PHLPP2: variants seen among roughly 807,000 people sequenced by gnomAD.
PHLPP2 encodes PH domain and leucine rich repeat protein phosphatase 2, also known as PH domain leucine-rich repeat-containing protein phosphatase 2.
Under a neutral mutation model 124.9 loss-of-function variants are expected in PHLPP2, and 66 were observed. The observed-to-expected ratio is 0.53, with a 90% CI of 0.43 to 0.65. PHLPP2 has a LOEUF of 0.65. Ranked by LOEUF, PHLPP2 falls within the 30% of genes least tolerant of loss-of-function variation. The pLI, the probability that PHLPP2 is intolerant of heterozygous loss-of-function variation, is 0.00. For missense variants in PHLPP2, 1,685 were observed against 1,600.4 expected (o/e 1.05, Z -0.90); for synonymous variants, 681 against 624.7 (o/e 1.09, Z -1.34).
chr16:71,714,812 T>A lies in PHLPP2; in HGVS notation c.-6-11A>T. 1 of 1,604,500 alleles carries A rather than the reference T, an allele frequency of 6.2e-7. No homozygotes were observed. Among genetic ancestry groups the A allele is most frequent in the Non-Finnish European group, 8.5e-7 (1 of 1,175,022 alleles). ...GCGTTTCATATTTCTCTAAAAAATATCAAGAGAAAGAAATCGTTAGCTAGA... is the reference window on the plus strand; with the variant it reads ...GCGTTTCATATTTCTCTAAAAAATAACAAGAGAAAGAAATCGTTAGCTAGA... On this transcript the variant is annotated splice_polypyrimidine_tract_variant and intron_variant, in intron 1 of 18. Transcript: ENST00000568954.
intron 1 of PHLPP2, among the ~76,000 whole-genome samples, chr16:71,722,723 T>C (rs551591608): frequency 4.8e-4 from 73 of 152,342 alleles, no homozygotes; most frequent in South Asian, 4.8e-3. Flanking sequence ...GCAAGTTTCA[T>C]ATCCTGAATT....
chr16:71,717,639 G>C (rs73580232), intron 1 of PHLPP2, among the ~76,000 whole-genome samples: 5,514 of 152,116 alleles, frequency 0.036, 331 homozygotes, highest in African/African-American at 0.13. Flanking sequence ...ATATTTAGTA[G>C]GTAAATACTG....
At chr16:71,671,925 C>T (rs1751274027) in intron 10 of PHLPP2, among the ~76,000 whole-genome samples, 1 of 152,012 alleles carries the variant, frequency 6.6e-6, no homozygotes, top group South Asian at 2.1e-4. Flanking sequence ...AACAAACAAA[C>T]AAACACCCAC....
At chr16:71,652,144 T>A (rs192725811) in intron 18 of PHLPP2, among the ~76,000 whole-genome samples, 2 of 152,322 alleles carry the variant, frequency 1.3e-5, no homozygotes, top group East Asian at 3.9e-4. Flanking sequence ...ATAAAGAACT[T>A]GTTTCCAAAA....
chr16:71,720,990 G>A (rs1463587914), intron 1 of PHLPP2, among the ~76,000 whole-genome samples: 1 of 151,912 alleles, frequency 6.6e-6, no homozygotes, highest in Non-Finnish European at 1.5e-5. Flanking sequence ...TATTGTGAAA[G>A]CGGTGGGGAG....
intron 15 of PHLPP2, among the ~76,000 whole-genome samples, chr16:71,657,306 G>A (rs1047141566): frequency 5.3e-5 from 8 of 151,970 alleles, no homozygotes; most frequent in African/African-American, 1.9e-4. Flanking sequence ...TCAAACTCCT[G>A]ACCTCAGGTG....
At chr16:71,691,949 A>AAAC (rs1046623626) in intron 3 of PHLPP2, among the ~76,000 whole-genome samples, 1 of 152,092 alleles carries the variant, frequency 6.6e-6, no homozygotes, top group Admixed American at 6.6e-5. Context: ...AAAAAAAACA[A>AAAC]AACAACAACA....
chr16:71,713,304 CTATT>C (rs977053926), intron 2 of PHLPP2, among the ~76,000 whole-genome samples: 5 of 152,074 alleles, frequency 3.3e-5, no homozygotes, highest in Non-Finnish European at 4.4e-5. Context: ...GTATGTGCCT[CTATT>C]TATACATAAA....
rs368678384 is a variant in PHLPP2, at chr16:71,658,855, T to G, written c.1986-40A>C. ...ACAGAATACTATAATGCACCAAGAC[T>G]GAGCAGCTGCCAAGGAAGTGCTATT... On this transcript the variant is annotated intron_variant, in intron 13 of 18. Transcript: ENST00000568954. 23 of 1,588,828 alleles carry G rather than the reference T, an allele frequency of 1.4e-5. No homozygotes were observed. In the East Asian group the frequency reaches 2.9e-4, roughly 20 times the overall value.
chr16:71,705,665 C>T (rs2045268531), intron 2 of PHLPP2, among the ~76,000 whole-genome samples: 1 of 152,160 alleles, frequency 6.6e-6, no homozygotes, highest in South Asian at 2.1e-4. Context: ...GCCCACGCCA[C>T]CATGCCCAGC....
chr16:71,691,328 G>T (rs1428594174), intron 3 of PHLPP2, among the ~76,000 whole-genome samples: 3 of 152,032 alleles, frequency 2.0e-5, no homozygotes, highest in Non-Finnish European at 4.4e-5. Flanking sequence ...GGGCATGGTG[G>T]CGGACACCTA....
intron 1 of PHLPP2, among the ~76,000 whole-genome samples, chr16:71,716,844 A>G (rs770025808): frequency 2.6e-5 from 4 of 152,236 alleles, no homozygotes; most frequent in Non-Finnish European, 5.9e-5. Context: ...CATTTTTACT[A>G]GACAGAATTA....
chr16:71,714,202 A>C (rs1215892857), intron 2 of PHLPP2, among the ~76,000 whole-genome samples: 1 of 152,144 alleles, frequency 6.6e-6, no homozygotes, highest in Non-Finnish European at 1.5e-5. Context: ...AGCCTCCCCA[A>C]GTGCTGGGAT....
chr16:71,650,002 C>T lies in PHLPP2; in HGVS notation c.2860G>A (p.Gly954Ser), dbSNP rs756045415. Residue 954 changes from glycine to serine, a missense_variant, in exon 19 of 19, where the codon GGC (glycine) becomes AGC (serine). Gly to Ser is a moderately conservative substitution (Grantham distance 56). Transcript: ENST00000568954. ...NGVTCCTRML[G>S]CTYLYPWILP... ...ATCCAAGGGTAGAGGTATGTACAGCCCAGCATCCGGGTACAGCAGGTTACC... is the reference window on the plus strand; with the variant it reads ...ATCCAAGGGTAGAGGTATGTACAGCTCAGCATCCGGGTACAGCAGGTTACC... 2 of 1,612,434 alleles carry T rather than the reference C, an allele frequency of 1.2e-6. No individual in the cohort carries two copies. The highest frequency in any genetic ancestry group is 1.7e-6 in the Non-Finnish European group (2 of 1,180,000).
chr16:71,722,389 T>C (rs1265739878), intron 1 of PHLPP2, among the ~76,000 whole-genome samples: 1 of 152,068 alleles, frequency 6.6e-6, no homozygotes, highest in Non-Finnish European at 1.5e-5. Context: ...ATCGAGTCAC[T>C]GCACTCAGGC....
chr16:71,652,329 C>T (rs2044702506), intron 18 of PHLPP2, among the ~76,000 whole-genome samples: 1 of 152,160 alleles, frequency 6.6e-6, no homozygotes, highest in African/African-American at 2.4e-5. Context: ...AGGAGAAAAG[C>T]TATAAAACAG....
At chr16:71,684,763 A>G (rs777327709) in intron 4 of PHLPP2, 162 bp from the exon 5 acceptor site, 1 of 601,808 alleles carries the variant, frequency 1.7e-6, no homozygotes, top group South Asian at 2.0e-5. Flanking sequence ...TGGGTCACAC[A>G]TGAACACACC....
intron 13 of PHLPP2, 87 bp downstream of exon 13, chr16:71,663,812 A>G: frequency 1.0e-6 from 1 of 991,896 alleles, no homozygotes; most frequent in Admixed American, 2.0e-5. Flanking sequence ...GTAAACAAAG[A>G]GTCATAGTCA....
chr16:71,657,556 G>A (rs890418551), intron 15 of PHLPP2, among the ~76,000 whole-genome samples: 13 of 151,024 alleles, frequency 8.6e-5, no homozygotes, highest in Middle Eastern at 3.5e-3. Context: ...CACCTCGCCC[G>A]GCTAATTTTT....
Sources: allele counts gnomAD v4.1 joint callset (sites outside exome capture counted in the v4.1 genomes callset), GRCh38; gene constraint gnomAD v4.1.1; transcripts MANE v1.5; gene names NCBI Gene and HGNC (gene_info 2026-07-23, HGNC 2026-07-21).